The following CEP131 variants were observed in gnomAD, a reference collection of about 807,000 sequenced individuals.
The protein encoded by CEP131 is centrosomal protein of 131 kDa.
CEP131 carries 99 observed loss-of-function variants against 136.8 expected under a neutral mutation model. That is an observed-to-expected ratio of 0.72 (90% CI 0.62 to 0.86). The LOEUF is 0.86. CEP131 is among the 40% of genes least tolerant of loss of function. The pLI is 0.00. For synonymous variants in CEP131, 646 were observed against 612.7 expected, an observed-to-expected ratio of 1.05 and a Z score of -0.80; for missense variants, 1,459 against 1,463.0, an observed-to-expected ratio of 1.00 and a Z score of 0.04.
intron 13 of CEP131, chr17:81,197,290 C>A: frequency 1.7e-6 from 1 of 597,444 alleles, no homozygotes; most frequent in Non-Finnish European, 2.9e-6. Flanking sequence ...TTAAAAAGTT[C>A]TATGCTGCCC....
Position 81,199,824 on chromosome 17 carries a change from C to G in CEP131, c.918G>C (p.Gln306His). Residue 306 changes from glutamine to histidine, a missense_variant, in exon 9 of 26, where the codon CAG (glutamine) becomes CAC (histidine). This residue lies in a region of CEP131 where 246 missense variants were observed against 318.9 expected (regional missense o/e 0.77). Transcript: ENST00000450824. Reference sequence around the variant, plus strand: ...CCAAGAGGGTCCCCTCGCCTGACCGCTGCCGCTGCTCCTGCCAAAGAAGCC... The same window carrying G: ...CCAAGAGGGTCCCCTCGCCTGACCGGTGCCGCTGCTCCTGCCAAAGAAGCC... ...LLQAKREEQR[Q>H]RSGEGTLLDL... is the part of the protein sequence containing the mutation. 1 of 1,611,070 alleles carries G rather than the reference C, an allele frequency of 6.2e-7. No individual in the cohort carries two copies. Among genetic ancestry groups the G allele is most frequent in the Non-Finnish European group, 8.5e-7 (1 of 1,179,914 alleles).
chr17:81,192,763 C>T lies in CEP131; in HGVS notation c.2402G>A (p.Arg801Lys). The change falls in exon 19 of 26, where the codon AGG (arginine) becomes AAG (lysine). Residue 801 changes from arginine (R) to lysine (K), a missense_variant. By Grantham distance (26) the Arg-to-Lys change is conservative. Around this residue, in one of 3 missense-constraint regions of CEP131, gnomAD observed 1,026 missense variants for 964.2 expected, o/e 1.06. Transcript: ENST00000450824. ...GGCTGCCTGCTGGCCCAGCCGCTCC[C>T]TCTCCTCAGCCACCTCACTGTACAG... ...QRLYSEVAEERERLGQQAARQ... is the reference protein window; with the variant it reads ...QRLYSEVAEEKERLGQQAARQ... The T allele has an allele frequency of 2.5e-6, 4 of 1,592,632 alleles. No homozygotes were observed. Among genetic ancestry groups the T allele is most frequent in the East Asian group, 2.2e-5 (1 of 44,816 alleles).
chr17:81,200,098 G>T, intron 8 of CEP131: 1 of 608,298 alleles, frequency 1.6e-6, no homozygotes, highest in South Asian at 2.0e-5. Flanking sequence ...AGACTCTCCA[G>T]CCTGGGATGG....
chr17:81,192,797 G>A lies in CEP131; in HGVS notation c.2368C>T (p.Arg790Trp), dbSNP rs200824605. 57 of 1,598,630 alleles carry A rather than the reference G, an allele frequency of 3.6e-5. No individual in the cohort carries two copies. The African/African-American group carries it at 5.3e-4, about 15-fold the overall frequency. Residue 790 changes from arginine (R) to tryptophan (W), a missense_variant, in exon 19 of 26, where the codon CGG (arginine) becomes TGG (tryptophan). Arg to Trp is a moderately radical substitution (Grantham distance 101). This residue lies in a region of CEP131 where 1,026 missense variants were observed against 964.2 expected (regional missense o/e 1.06). Coordinates refer to ENST00000450824, the MANE Select transcript of CEP131 (RefSeq NM_014984.4). ...GCCACCTCACTGTACAGCCGCTGCC[G>A]TTGCTGCTGCAGCGCCCACTGCTCC... ...EQEQWALQQQ[R>W]QRLYSEVAEE...
At chr17:81,201,081 CA>C (rs879408806) in intron 7 of CEP131, among the ~76,000 whole-genome samples, 45 of 146,886 alleles carry the variant, frequency 3.1e-4, no homozygotes, top group Middle Eastern at 3.5e-3. Context: ...ACTGATTAAG[CA>C]AAAAAAAAAA....
chr17:81,196,572 G>A, intron 15 of CEP131, 129 bp downstream of exon 15: 2 of 1,355,472 alleles, frequency 1.5e-6, no homozygotes, highest in South Asian at 1.5e-5. Context: ...GGCTTGGAAT[G>A]CGTCCAGCGG....
intron 4 of CEP131, 55 bp downstream of exon 4, chr17:81,207,070 C>A (rs542266622): frequency 1.3e-6 from 2 of 1,567,782 alleles, no homozygotes; most frequent in African/African-American, 2.7e-5. Context: ...AATTAGGAAC[C>A]AGGCCACAAT....
intron 1 of CEP131, among the ~76,000 whole-genome samples, chr17:81,222,556 G>C (rs2062411436): frequency 6.6e-6 from 1 of 152,168 alleles, no homozygotes; most frequent in South Asian, 2.1e-4. Context: ...CGCGGGCCCC[G>C]GACCTCCCTC....
chr17:81,203,586 GC>G lies in CEP131; in HGVS notation c.536del (p.Gly179AlafsTer78). 1 of 1,601,484 alleles carries G rather than the reference GC, an allele frequency of 6.2e-7. No homozygotes were observed. On this transcript the variant is annotated frameshift_variant, in exon 6 of 26. Coordinates refer to ENST00000450824, the MANE Select transcript of CEP131 (RefSeq NM_014984.4). LOFTEE classifies it high-confidence loss of function. The surrounding 1 kb of genome is among the most constrained non-coding windows in gnomAD (Gnocchi z 4.6). ...ANNRSNKGAV[G>X]NCVTTMVHNR... ...TGTGCACCATGGTGGTGACGCAGTT[GC>G]CCACTGCTCCCTTGTTGCTCCTGCC...
At chr17:81,199,646 G>A (rs1033716044) in intron 9 of CEP131, 73 bp downstream of exon 9, 2 of 1,597,700 alleles carry the variant, frequency 1.3e-6, no homozygotes, top group Non-Finnish European at 8.5e-7. Context: ...GGGGCCCAGG[G>A]AGCCCCAGCA....
At chr17:81,193,054 A>G (rs1320912559) in intron 18 of CEP131, among the ~76,000 whole-genome samples, 1 of 152,232 alleles carries the variant, frequency 6.6e-6, no homozygotes, top group African/African-American at 2.4e-5. Flanking sequence ...AGCCAAGCGC[A>G]GCAATTCCCT....
At chr17:81,194,813 G>T in intron 17 of CEP131, 57 bp downstream of exon 17, 1 of 1,390,976 alleles carries the variant, frequency 7.2e-7, no homozygotes, top group Non-Finnish European at 1.0e-6. Context: ...CTCAAAAGAA[G>T]CCCTGGCCGC....
chr17:81,191,636 G>A (rs1385193199), intron 21 of CEP131, among the ~76,000 whole-genome samples: 1 of 152,196 alleles, frequency 6.6e-6, no homozygotes, highest in African/African-American at 2.4e-5. Context: ...TTGGACTTGC[G>A]TGTTGCTGAG....
chr17:81,202,759 CGA>C (rs2061921992), intron 6 of CEP131, among the ~76,000 whole-genome samples: 1 of 152,106 alleles, frequency 6.6e-6, no homozygotes. Flanking sequence ...GTCACGAGTT[CGA>C]GACCAGCCTT....
At position 81,190,288 on chromosome 17, in the gene CEP131, G is replaced by A. The variant is rs151203399; in HGVS notation, c.3108-313C>T. On this transcript the variant is annotated intron_variant, in intron 24 of 25. Transcript: ENST00000450824. ...GGCACAGGAAGGATGCAGGACCCCC[G>A]TGGAGGGAGCTCGCTGGGAACCTTA... Among the ~76,000 whole-genome samples the A allele has an allele frequency of 7.1e-3, 1,088 of 152,288 alleles. 13 individuals carry two copies. Among genetic ancestry groups the A allele is most frequent in the African/African-American group, 0.024 (1,006 of 41,560 alleles).
chr17:81,190,452 G>A (rs1461327345), intron 24 of CEP131, among the ~76,000 whole-genome samples, 187 bp downstream of exon 24: 2 of 152,210 alleles, frequency 1.3e-5, no homozygotes, highest in Admixed American at 6.5e-5. Context: ...TAAGCACCAG[G>A]GAGGAAAACA....
intron 2 of CEP131, among the ~76,000 whole-genome samples, chr17:81,214,497 G>A (rs780078725): frequency 3.3e-4 from 50 of 151,994 alleles, no homozygotes; most frequent in Admixed American, 3.1e-3. Flanking sequence ...CAGAGATTGC[G>A]GTGAGGTGAA....
At chr17:81,209,258 A>G (rs1294835717) in intron 2 of CEP131, among the ~76,000 whole-genome samples, 1 of 152,158 alleles carries the variant, frequency 6.6e-6, no homozygotes, top group African/African-American at 2.4e-5. Flanking sequence ...CCCCGCATCA[A>G]GCAGGAGCCC....
Position 81,195,942 on chromosome 17 carries a change from C to T in CEP131, c.1909G>A (p.Asp637Asn). ...CACTTTTCACTCAGGACCTTCTTGT[C>T]CTCAATCAGCTGTGTTGGGGACCGG... Reference protein sequence around the residue: ...HLAFIDQLIEDKKVLSEKCEA... With the variant: ...HLAFIDQLIENKKVLSEKCEA... The change falls in exon 16 of 26, where the codon GAC becomes AAC. Residue 637 changes from aspartate (D) to asparagine (N), a missense_variant. By Grantham distance (23) the Asp-to-Asn change is conservative. Coordinates refer to ENST00000450824, the MANE Select transcript of CEP131 (RefSeq NM_014984.4). The T allele has an allele frequency of 6.2e-7, 1 of 1,609,236 alleles. No homozygotes were observed.
Sources: gnomAD v4.1 joint callset for allele counts (sites outside exome capture counted in the v4.1 genomes callset) on GRCh38, gnomAD v4.1.1 for gene constraint, gnomAD v4.1.1 regional missense constraint, Gnocchi (gnomAD v3.1) non-coding constraint, MANE v1.5 for transcripts, NCBI Gene and HGNC (gene_info 2026-07-23, HGNC 2026-07-21) for gene names.